GNRH2: variants seen among roughly 807,000 people sequenced by gnomAD.
The protein encoded by GNRH2 is gonadotropin releasing hormone 2, also known as progonadoliberin-2.
Under a neutral mutation model 12.1 loss-of-function variants are expected in GNRH2, and 15 were observed. That is an observed-to-expected ratio of 1.24 (90% CI 0.83 to 1.90). The LOEUF (loss-of-function observed/expected upper bound fraction) is 1.90. Among genes scored for constraint, GNRH2 ranks in the 40% most tolerant of loss-of-function variants. The probability of loss-of-function intolerance (pLI) is 0.00; values close to 1 mark genes in which losing one functional copy is unlikely to be tolerated. For synonymous variants in GNRH2, 60 were observed against 62.0 expected (o/e 0.97, Z 0.15); for missense variants, 143 against 141.4 (o/e 1.01, Z -0.06).
In GNRH2 at chr20:3,045,712, C is replaced by A; in HGVS notation, c.318C>A (p.Ala106=). Residue 106 remains alanine (A), a synonymous_variant, in exon 4 of 4, where the codon GCC becomes GCA. Transcript: ENST00000359100. The stretch of plus-strand genomic sequence containing the variant: ...CCGCAGCCCGAGAGCCCCGCCCCGC[C>A]CCGCCATCCTCCAATAAAGTGTGAG... The part of the protein sequence containing the change: ...LLTAAREPRP[A]PPSSNKV 1.2e-6 allele frequency: 2 copies of A among 1,611,450 alleles called. No individual in the cohort carries two copies. The highest frequency in any genetic ancestry group is 2.2e-5 in the East Asian group (1 of 44,810).
At position 3,044,454 on chromosome 20, in the gene GNRH2, C is replaced by G; in HGVS notation, c.40C>G (p.Leu14Val). ...SRRGLLLLLL[L>V]TAHLGPSEAQ... Reference sequence around the variant, plus strand: ...GCGAGGCCTCCTGCTCCTGCTGCTGCTGACTGCCCACCTTGGACCCTCAGA... The same window carrying G: ...GCGAGGCCTCCTGCTCCTGCTGCTGGTGACTGCCCACCTTGGACCCTCAGA... Residue 14 changes from leucine (L) to valine (V), a missense_variant, in exon 2 of 4, where the codon CTG becomes GTG. Leu to Val is a conservative substitution (Grantham distance 32, BLOSUM62 1). Coordinates refer to ENST00000359100, the MANE Select transcript of GNRH2 (RefSeq NM_178331.2). 1.9e-6 allele frequency: 3 copies of G among 1,613,532 alleles called. No individual in the cohort carries two copies. Among genetic ancestry groups the G allele is most frequent in the Non-Finnish European group, 8.5e-7 (1 of 1,179,652 alleles).
At position 3,044,545 on chromosome 20, in the gene GNRH2, C is replaced by A. The variant is rs539811609; in HGVS notation, c.131C>A (p.Pro44His). ...GKRALSSAQD[P>H]QNALRPPAGS... ...CGAGCCCTCAGCTCAGCCCAGGATC[C>A]CCAGAATGCCCTTAGGCCCCCAGGT... The change falls in exon 2 of 4, where the codon CCC (proline) becomes CAC (histidine). Residue 44 changes from proline to histidine, a missense_variant. Coordinates refer to ENST00000359100, the MANE Select transcript of GNRH2 (RefSeq NM_178331.2). 5.0e-6 allele frequency: 8 copies of A among 1,613,716 alleles called. No individual in the cohort carries two copies. Among genetic ancestry groups the A allele is most frequent in the Non-Finnish European group, 6.8e-6 (8 of 1,180,012 alleles).
rs1413394504 is a variant in GNRH2 at position 3,045,700 on chromosome 20, G to A, written c.306G>A (p.Glu102=). 35 of 1,541,716 alleles carry A rather than the reference G, an allele frequency of 2.3e-5. No homozygotes were observed. The highest frequency in any genetic ancestry group is 3.1e-5 in the Non-Finnish European group (35 of 1,136,750). The change falls in exon 4 of 4, where the codon GAG becomes GAA. Residue 102 remains glutamate (E), a synonymous_variant. Transcript: ENST00000359100. ...LARTLLTAAR[E]PRPAPPSSNK... is the part of the protein sequence containing the mutation. ...TCCCTCCGCAGACCGCAGCCCGAGA[G>A]CCCCGCCCCGCCCCGCCATCCTCCA...
At chr20:3,044,963 AC>A in intron 3 of GNRH2, 127 bp downstream of exon 3, 1 of 699,286 alleles carries the variant, frequency 1.4e-6, no homozygotes, top group Non-Finnish European at 2.4e-6. Context: ...CTGCCACAGC[AC>A]CCCCAGCCAT....
intron 1 of GNRH2, 195 bp downstream of exon 1, chr20:3,043,860 T>A (rs1385878877): frequency 1.9e-5 from 3 of 154,328 alleles, no homozygotes; most frequent in Non-Finnish European, 2.9e-5. Context: ...ATGGGAGGGA[T>A]AAGGGGTAGA....
In GNRH2 at chr20:3,044,476, C is replaced by G. The variant is rs377637723; in HGVS notation, c.62C>G (p.Ser21Ter). 6.2e-6 allele frequency: 10 copies of G among 1,613,572 alleles called. No homozygotes were observed. In the African/African-American group the frequency reaches 1.2e-4, roughly 19 times the overall value. The part of the protein sequence containing the change: ...LLLLTAHLGP[S>*]EAQHWSHGWY... ...CTGCTGACTGCCCACCTTGGACCCT[C>G]AGAGGCTCAGCACTGGTCCCATGGC... The change falls in exon 2 of 4, where the codon TCA becomes TGA. Residue 21 changes from serine (S) to a stop codon, truncating the protein, a stop_gained. Transcript: ENST00000359100. LOFTEE classifies it high-confidence loss of function.
Position 3,044,703 on chromosome 20 carries a change from G to A in GNRH2, c.158G>A (p.Gly53Asp). 6.2e-7 allele frequency: 1 copy of A among 1,609,776 alleles called. No individual in the cohort carries two copies. Among genetic ancestry groups the A allele is most frequent in the South Asian group, 1.1e-5 (1 of 90,680 alleles). ...DPQNALRPPA[G>D]SPVQTAHGLP... is the part of the protein sequence containing the mutation. ...GGAAGGGCCCTGGACACTGCAGCAG[G>A]CAGCCCAGTCCAGACTGCCCATGGC... Residue 53 changes from glycine to aspartate, a missense_variant, in exon 3 of 4, where the codon GGC becomes GAC. Physicochemically the swap from Gly to Asp is moderately conservative, Grantham distance 94. Coordinates refer to ENST00000359100, the MANE Select transcript of GNRH2 (RefSeq NM_178331.2).
chr20:3,045,662 T>G (rs755035669), intron 3 of GNRH2, 24 bp from the exon 4 acceptor site: 1 of 1,603,196 alleles, frequency 6.2e-7, no homozygotes, highest in African/African-American at 1.3e-5. Flanking sequence ...TCCTGAGACA[T>G]GACCGCCACC....
chr20:3,045,532 G>A (rs1293021542), intron 3 of GNRH2, among the ~76,000 whole-genome samples, 154 bp from the exon 4 acceptor site: 4 of 151,958 alleles, frequency 2.6e-5, no homozygotes, highest in African/African-American at 9.7e-5. Flanking sequence ...ACACTAGCTG[G>A]ATCCTCAGGC....
At chr20:3,044,953 C>A in intron 3 of GNRH2, 117 bp downstream of exon 3, 1 of 761,674 alleles carries the variant, frequency 1.3e-6, no homozygotes. Flanking sequence ...GAGATGCCCC[C>A]TGCCACAGCA....
chr20:3,044,369 T>G, intron 1 of GNRH2, 39 bp from the exon 2 acceptor site: 3 of 1,566,048 alleles, frequency 1.9e-6, no homozygotes, highest in Non-Finnish European at 2.6e-6. Context: ...GATGTGGGGG[T>G]GAGGTAAGTC....
chr20:3,043,643 A>G lies in GNRH2; in HGVS notation c.-30A>G, dbSNP rs2065957075. On this transcript the variant is annotated 5_prime_UTR_variant, in exon 1 of 4. Transcript: ENST00000359100. ...GGTCCTGCAGCTGCCTGAAGGAGCC[A>G]TCTCATCCACAGCTCTTCCTTGGTG... 1 of 152,532 alleles carries G rather than the reference A, an allele frequency of 6.6e-6. No individual in the cohort carries two copies. Among genetic ancestry groups the G allele is most frequent in the East Asian group, 1.9e-4 (1 of 5,168 alleles). The allele number at this position is 152,532 out of a possible 1,614,324, so 9.4% of individuals were successfully genotyped here. A position where few individuals can be genotyped will look rare whatever the true frequency, so the allele number is the denominator to read the frequency against.
At chr20:3,045,587 G>A in intron 3 of GNRH2, 99 bp from the exon 4 acceptor site, 2 of 1,019,076 alleles carry the variant, frequency 2.0e-6, no homozygotes, top group South Asian at 1.4e-5. Flanking sequence ...GGCCACATGG[G>A]GACTGGGGGG....
intron 3 of GNRH2, 103 bp downstream of exon 3, chr20:3,044,939 C>T (rs928602217): frequency 3.4e-6 from 3 of 877,622 alleles, no homozygotes; most frequent in Non-Finnish European, 3.6e-6. Context: ...AATGAAACAC[C>T]ACTGAGATGC....
At chr20:3,044,376 A>G (rs538077322) in intron 1 of GNRH2, 32 bp from the exon 2 acceptor site, 13 of 1,591,022 alleles carry the variant, frequency 8.2e-6, no homozygotes, top group Non-Finnish European at 1.1e-5. Flanking sequence ...GGGTGAGGTA[A>G]GTCTCCTTGA....
At chr20:3,044,337 G>A in intron 1 of GNRH2, 71 bp from the exon 2 acceptor site, 17 of 1,292,240 alleles carry the variant, frequency 1.3e-5, no homozygotes, top group Non-Finnish European at 1.8e-5. Context: ...GTTTTCCAAA[G>A]TGGCCCTGGA....
Position 3,044,505 on chromosome 20 carries a change from T to C in GNRH2, c.91T>C (p.Tyr31His), listed in dbSNP as rs1226910482. ...SEAQHWSHGW[Y>H]PGGKRALSSA... ...GGCTCAGCACTGGTCCCATGGCTGG[T>C]ACCCTGGAGGAAAGCGAGCCCTCAG... The change falls in exon 2 of 4, where the codon TAC (tyrosine) becomes CAC (histidine). Residue 31 changes from tyrosine (Y) to histidine (H), a missense_variant. Coordinates refer to ENST00000359100, the MANE Select transcript of GNRH2 (RefSeq NM_178331.2). The C allele has an allele frequency of 6.2e-7, 1 of 1,613,562 alleles. No homozygotes were observed.
chr20:3,044,836 G>A lies in GNRH2; in HGVS notation c.291G>A (p.Leu97=), dbSNP rs758192730. 1.9e-6 allele frequency: 3 copies of A among 1,598,930 alleles called. No individual in the cohort carries two copies. The highest frequency in any genetic ancestry group is 2.6e-6 in the Non-Finnish European group (3 of 1,168,930). Residue 97 remains leucine, a splice_region_variant and synonymous_variant, in exon 3 of 4, where the codon CTG becomes CTA. Transcript: ENST00000359100. ...HRKRHLARTL[L]TAAREPRPAP... ...AGCGACACCTGGCACGGACACTGCT[G>A]GTGAGTAGGGTGAGAGGTCCCCAGC... is the stretch of plus-strand genomic sequence containing the variant.
chr20:3,044,375 A>G, intron 1 of GNRH2, 33 bp from the exon 2 acceptor site: 1 of 1,588,720 alleles, frequency 6.3e-7, no homozygotes. Flanking sequence ...GGGGTGAGGT[A>G]AGTCTCCTTG....
Sources: allele counts gnomAD v4.1 joint callset (sites outside exome capture counted in the v4.1 genomes callset), GRCh38; gene constraint gnomAD v4.1.1; transcripts MANE v1.5; gene names NCBI Gene and HGNC (gene_info 2026-07-23, HGNC 2026-07-21).